The following LRRC4C variants were observed in gnomAD, a reference collection of about 807,000 sequenced individuals.
LRRC4C encodes leucine-rich repeat-containing protein 4C.
A neutral mutation model predicts 33.6 loss-of-function variants in LRRC4C; 5 were observed. The observed-to-expected ratio is 0.15, with a 90% CI of 0.08 to 0.31. The LOEUF (loss-of-function observed/expected upper bound fraction) is 0.31, where lower values mean the gene tolerates loss of function less well. Among genes scored for constraint, LRRC4C ranks in the 10% least tolerant of loss-of-function variants. The pLI is 1.00. For missense variants in LRRC4C, 560 were observed against 796.7 expected (o/e 0.70, Z 3.58); for synonymous variants, 329 against 302.0 (o/e 1.09, Z -0.93).
chr11:41,391,839 CA>C (rs1195135987), intron 1 of LRRC4C, among the ~76,000 whole-genome samples: 1 of 151,718 alleles, frequency 6.6e-6, no homozygotes, highest in Non-Finnish European at 1.5e-5. Flanking sequence ...GAATAGGTCT[CA>C]AAAAATTAAT....
At chr11:40,173,772 T>G (rs1200764702) in intron 5 of LRRC4C, among the ~76,000 whole-genome samples, 1 of 152,226 alleles carries the variant, frequency 6.6e-6, no homozygotes, top group South Asian at 2.1e-4. Flanking sequence ...ACATAGTTTC[T>G]GTCTCTGGCT....
chr11:40,649,244 G>A (rs975331705), intron 2 of LRRC4C, among the ~76,000 whole-genome samples: 8 of 152,074 alleles, frequency 5.3e-5, no homozygotes, highest in South Asian at 2.1e-4. Flanking sequence ...AGACCAGGGC[G>A]TATTTCAGTA....
intron 1 of LRRC4C, among the ~76,000 whole-genome samples, chr11:41,160,422 G>T (rs1054587548): frequency 6.6e-6 from 1 of 151,322 alleles, no homozygotes; most frequent in Non-Finnish European, 1.5e-5. Context: ...ACACATGGAA[G>T]TAAGATTATT....
At chr11:41,364,829 G>T (rs1461741317) in intron 1 of LRRC4C, among the ~76,000 whole-genome samples, 1 of 151,990 alleles carries the variant, frequency 6.6e-6, no homozygotes, top group Non-Finnish European at 1.5e-5. Context: ...AAATTGGCTG[G>T]TGAAATAAAA....
intron 1 of LRRC4C, among the ~76,000 whole-genome samples, chr11:41,173,699 G>A (rs1182851565): frequency 6.6e-6 from 1 of 152,000 alleles, no homozygotes; most frequent in Non-Finnish European, 1.5e-5. Flanking sequence ...CTTTTCTTCC[G>A]ATATTCCTTT....
At chr11:40,854,844 G>A (rs187895319) in intron 2 of LRRC4C, among the ~76,000 whole-genome samples, 18 of 151,916 alleles carry the variant, frequency 1.2e-4, no homozygotes, top group African/African-American at 4.3e-4. Flanking sequence ...CAGTTGGCTG[G>A]ATATAACTTA....
chr11:41,318,549 G>C (rs1332054723), intron 1 of LRRC4C, among the ~76,000 whole-genome samples: 1 of 152,072 alleles, frequency 6.6e-6, no homozygotes, highest in African/African-American at 2.4e-5. Context: ...CTCTCCCTCT[G>C]CTCCACTATC....
chr11:40,831,298 A>G (rs1952401542), intron 2 of LRRC4C, among the ~76,000 whole-genome samples: 1 of 152,102 alleles, frequency 6.6e-6, no homozygotes, highest in Non-Finnish European at 1.5e-5. Flanking sequence ...TTCTGGTAGG[A>G]GAAAGGATTT....
intron 1 of LRRC4C, among the ~76,000 whole-genome samples, chr11:41,325,252 A>T (rs1243216291): frequency 6.6e-6 from 1 of 152,186 alleles, no homozygotes; most frequent in African/African-American, 2.4e-5. Context: ...TAAGCTTGTG[A>T]ATGATTCTTG....
chr11:40,512,815 C>T (rs1955384451), intron 3 of LRRC4C, among the ~76,000 whole-genome samples: 2 of 152,078 alleles, frequency 1.3e-5, no homozygotes, highest in Non-Finnish European at 2.9e-5. Context: ...CATTGGGAGT[C>T]GACACTTTGA....
chr11:41,433,882 C>G (rs1446571761), intron 1 of LRRC4C, among the ~76,000 whole-genome samples: 2 of 151,686 alleles, frequency 1.3e-5, no homozygotes, highest in African/African-American at 4.8e-5. Context: ...CTCTAGAGCA[C>G]TCTAATACAG....
chr11:40,188,155 C>G (rs913306044), intron 5 of LRRC4C, among the ~76,000 whole-genome samples: 3 of 152,148 alleles, frequency 2.0e-5, no homozygotes, highest in Non-Finnish European at 2.9e-5. Flanking sequence ...AGGTGAACTA[C>G]CAGCCGAAAT....
intron 5 of LRRC4C, among the ~76,000 whole-genome samples, chr11:40,193,249 G>C (rs770452945): frequency 3.3e-4 from 51 of 152,308 alleles, no homozygotes; most frequent in Non-Finnish European, 6.2e-4. Flanking sequence ...GAAGCTTCCA[G>C]AGGAGGAAGC....
At chr11:40,775,245 C>A (rs1350025742) in intron 2 of LRRC4C, among the ~76,000 whole-genome samples, 1 of 151,822 alleles carries the variant, frequency 6.6e-6, no homozygotes, top group Non-Finnish European at 1.5e-5. Context: ...CCCATCTTTA[C>A]TAAAAATACA....
intron 1 of LRRC4C, among the ~76,000 whole-genome samples, chr11:41,108,263 G>A (rs114386342): frequency 3.3e-5 from 5 of 151,872 alleles, no homozygotes; most frequent in Non-Finnish European, 7.4e-5. Flanking sequence ...ATGTCCACAC[G>A]CCCATTTTCA....
At chr11:40,349,637 A>C (rs1000505467) in intron 3 of LRRC4C, among the ~76,000 whole-genome samples, 1 of 152,172 alleles carries the variant, frequency 6.6e-6, no homozygotes, top group African/African-American at 2.4e-5. Context: ...TAGTTTATTG[A>C]GAAACCTCCA....
intron 1 of LRRC4C, among the ~76,000 whole-genome samples, chr11:41,083,313 C>T (rs1001430017): frequency 1.3e-5 from 2 of 151,842 alleles, no homozygotes; most frequent in Non-Finnish European, 2.9e-5. Flanking sequence ...TGCGAGTTAC[C>T]CATACACTAG....
At chr11:40,642,675 C>T (rs1183194595) in intron 3 of LRRC4C, among the ~76,000 whole-genome samples, 1 of 152,124 alleles carries the variant, frequency 6.6e-6, no homozygotes, top group East Asian at 1.9e-4. Context: ...ACACACAGAT[C>T]AATTTGTTAA....
At chr11:41,403,531 A>G (rs980536437) in intron 1 of LRRC4C, among the ~76,000 whole-genome samples, 6 of 152,080 alleles carry the variant, frequency 3.9e-5, no homozygotes, top group Admixed American at 2.6e-4. Flanking sequence ...CAAGAGTGCC[A>G]CAAGGGGTCC....
Sources: allele counts gnomAD v4.1 joint callset (sites outside exome capture counted in the v4.1 genomes callset), GRCh38; gene constraint gnomAD v4.1.1; transcripts MANE v1.5; gene names NCBI Gene and HGNC (gene_info 2026-07-23, HGNC 2026-07-21).